The following SYT1 variants were observed in gnomAD, a reference collection of about 807,000 sequenced individuals.
SYT1 encodes the protein synaptotagmin-1.
Under a neutral mutation model 44.8 loss-of-function variants are expected in SYT1, and 8 were observed. The ratio of observed to expected loss-of-function variants is 0.18; its 90% CI spans 0.10 to 0.32. SYT1 has a LOEUF of 0.32. SYT1 is among the 10% of genes least tolerant of loss of function. The probability of loss-of-function intolerance (pLI) is 1.00; values close to 1 mark genes in which losing one functional copy is unlikely to be tolerated. For missense variants in SYT1, 286 were observed against 509.3 expected (o/e 0.56, Z 4.22); for synonymous variants, 154 against 188.8 (o/e 0.82, Z 1.51).
At chr12:79,129,894 T>A (rs796183407) in intron 3 of SYT1, among the ~76,000 whole-genome samples, 1 of 152,280 alleles carries the variant, frequency 6.6e-6, no homozygotes, top group African/African-American at 2.4e-5. Flanking sequence ...CAAATATGGG[T>A]ATATTATAAA....
At chr12:79,201,870 G>C (rs949773920) in intron 3 of SYT1, among the ~76,000 whole-genome samples, 2 of 152,098 alleles carry the variant, frequency 1.3e-5, no homozygotes, top group African/African-American at 4.8e-5. Flanking sequence ...GGCACACTCA[G>C]TATAAGCACT....
chr12:79,088,525 A>G (rs1477342265), intron 3 of SYT1, among the ~76,000 whole-genome samples: 2 of 152,094 alleles, frequency 1.3e-5, no homozygotes, highest in African/African-American at 4.8e-5. Context: ...ATAAAAAGAA[A>G]CGAAGTTGAA....
intron 4 of SYT1, among the ~76,000 whole-genome samples, chr12:79,255,660 G>A (rs1877473207): frequency 6.6e-6 from 1 of 152,188 alleles, no homozygotes; most frequent in Non-Finnish European, 1.5e-5. Context: ...AAGTAAGGAA[G>A]AAGAATGTCT....
chr12:79,213,981 A>AT (rs1427166784), intron 3 of SYT1, among the ~76,000 whole-genome samples: 2 of 152,138 alleles, frequency 1.3e-5, no homozygotes, highest in Non-Finnish European at 2.9e-5. Context: ...TAATCAGCTA[A>AT]TTTTTTCATC....
At chr12:79,308,689 G>A (rs1880606842) in intron 8 of SYT1, among the ~76,000 whole-genome samples, 1 of 151,902 alleles carries the variant, frequency 6.6e-6, no homozygotes, top group African/African-American at 2.4e-5. Flanking sequence ...AAGGAATCTG[G>A]CTCTTCCACT....
chr12:79,356,316 A>G (rs903808098), intron 9 of SYT1, among the ~76,000 whole-genome samples: 25 of 151,838 alleles, frequency 1.6e-4, no homozygotes, highest in Admixed American at 1.6e-3. Context: ...AAATGCCATT[A>G]GCCATTTGTT....
chr12:79,447,826 T>C (rs908685355), intron 10 of SYT1, among the ~76,000 whole-genome samples: 3 of 152,208 alleles, frequency 2.0e-5, no homozygotes, highest in African/African-American at 7.2e-5. Flanking sequence ...TGTATATCAA[T>C]GACATTTCTC....
chr12:78,935,968 C>G (rs189477517), intron 1 of SYT1, among the ~76,000 whole-genome samples: 1 of 151,978 alleles, frequency 6.6e-6, no homozygotes, highest in Non-Finnish European at 1.5e-5. Flanking sequence ...TTTCCAAGTA[C>G]AAAGAGTTCA....
chr12:78,930,386 T>A (rs61929218), intron 1 of SYT1, among the ~76,000 whole-genome samples: 13,781 of 151,924 alleles, frequency 0.091, 719 homozygotes, highest in East Asian at 0.18. Context: ...TATACTGTAA[T>A]ACATTTTCAA....
chr12:78,885,363 G>C (rs1592524686), intron 1 of SYT1, among the ~76,000 whole-genome samples: 4 of 148,860 alleles, frequency 2.7e-5, no homozygotes, highest in Middle Eastern at 3.4e-3. Context: ...AACGAAGGAA[G>C]GAAGGAAGGG....
At chr12:78,882,143 T>G (rs1874493559) in intron 1 of SYT1, among the ~76,000 whole-genome samples, 1 of 151,736 alleles carries the variant, frequency 6.6e-6, no homozygotes, top group Non-Finnish European at 1.5e-5. Flanking sequence ...ACCTGACACA[T>G]AGTAGATGTT....
intron 2 of SYT1, among the ~76,000 whole-genome samples, chr12:78,995,134 AT>A (rs1296592332): frequency 6.6e-6 from 1 of 152,042 alleles, no homozygotes; most frequent in African/African-American, 2.4e-5. Context: ...GGGCATTAGG[AT>A]TTTTTTAAAT....
chr12:78,980,485 C>A (rs968128502), intron 2 of SYT1, among the ~76,000 whole-genome samples: 4 of 152,090 alleles, frequency 2.6e-5, no homozygotes, highest in Non-Finnish European at 4.4e-5. Flanking sequence ...ATCAAAAATT[C>A]TTTTGTTTTC....
intron 2 of SYT1, among the ~76,000 whole-genome samples, chr12:78,991,575 A>G (rs192091031): frequency 1.7e-4 from 26 of 152,266 alleles, no homozygotes; most frequent in Admixed American, 9.2e-4. Flanking sequence ...ATGATTTGGA[A>G]TCATTTTCTG....
At chr12:79,051,364 G>T (rs1178610978) in intron 3 of SYT1, among the ~76,000 whole-genome samples, 1 of 149,370 alleles carries the variant, frequency 6.7e-6, no homozygotes, top group African/African-American at 2.4e-5. Context: ...TATAAAGAGA[G>T]CTCATTTATA....
At chr12:79,067,034 C>A (rs1875916854) in intron 3 of SYT1, among the ~76,000 whole-genome samples, 2 of 152,166 alleles carry the variant, frequency 1.3e-5, no homozygotes, top group Non-Finnish European at 2.9e-5. Context: ...TGCCTCCACG[C>A]AGTGTGCTTT....
At chr12:78,899,107 C>G (rs1316452607) in intron 1 of SYT1, among the ~76,000 whole-genome samples, 3 of 152,006 alleles carry the variant, frequency 2.0e-5, no homozygotes, top group Non-Finnish European at 4.4e-5. Context: ...GTTGCTTATA[C>G]TATACTAATA....
rs577081812 is a variant in SYT1, at chr12:78,998,922, C to T, written c.-84+20991C>T. On this transcript the variant is annotated intron_variant, in intron 2 of 10. Transcript: ENST00000261205. ...AAATTTGGTCAATATCTTGAGTTTC[C>T]GTATTGACAGAAATTTTCATTCTAT... Among the ~76,000 whole-genome samples, 158 of 152,146 alleles carry T rather than the reference C, an allele frequency of 1.0e-3. 1 individual carries two copies. Among genetic ancestry groups the T allele is most frequent in the African/African-American group, 3.7e-3 (153 of 41,502 alleles).
At chr12:78,948,747 G>T (rs993985924) in intron 1 of SYT1, among the ~76,000 whole-genome samples, 2 of 151,610 alleles carry the variant, frequency 1.3e-5, no homozygotes, top group African/African-American at 4.8e-5. Flanking sequence ...AACTGAACAC[G>T]TTAGCATTTT....
Sources: allele counts gnomAD v4.1 joint callset (sites outside exome capture counted in the v4.1 genomes callset), GRCh38; gene constraint gnomAD v4.1.1; transcripts MANE v1.5; gene names NCBI Gene and HGNC (gene_info 2026-07-23, HGNC 2026-07-21).